The following RIPOR2 variants were observed in gnomAD, a reference collection of about 807,000 sequenced individuals.
RIPOR2 encodes the protein rho family-interacting cell polarization regulator 2.
In RIPOR2, 39 loss-of-function variants were observed where a neutral mutation model predicts 114.5. The observed-to-expected ratio is 0.34, with a 90% CI of 0.26 to 0.44. The LOEUF (loss-of-function observed/expected upper bound fraction) is 0.44. RIPOR2 is among the 20% of genes least tolerant of loss of function. The probability of loss-of-function intolerance (pLI) is 1.00; values close to 1 mark genes in which losing one functional copy is unlikely to be tolerated. For missense variants in RIPOR2, 1,007 were observed against 1,255.1 expected, an observed-to-expected ratio of 0.80 and a Z score of 2.99; for synonymous variants, 445 against 484.4, an observed-to-expected ratio of 0.92 and a Z score of 1.07.
intron 15 of RIPOR2, among the ~76,000 whole-genome samples, chr6:24,834,576 G>A (rs932048036): frequency 6.6e-6 from 1 of 151,912 alleles, no homozygotes; most frequent in Non-Finnish European, 1.5e-5. Context: ...ATTCAGCATG[G>A]TAGTACAGGT....
At chr6:24,937,848 C>G (rs980249974), upstream of RIPOR2, among the ~76,000 whole-genome samples, 1 of 152,140 alleles carries the variant, frequency 6.6e-6, no homozygotes, top group Non-Finnish European at 1.5e-5. Flanking sequence ...GTCTGGACAA[C>G]TTATGGGAGT....
At chr6:24,825,737 A>G (rs1262632736) in intron 18 of RIPOR2, among the ~76,000 whole-genome samples, 1 of 152,052 alleles carries the variant, frequency 6.6e-6, no homozygotes, top group Admixed American at 6.6e-5. Flanking sequence ...AGAAAATACA[A>G]TTAGACATTT....
chr6:24,908,853 G>C (rs576105731), intron 1 of RIPOR2, among the ~76,000 whole-genome samples: 3 of 152,174 alleles, frequency 2.0e-5, no homozygotes, highest in Admixed American at 2.0e-4. Context: ...TTCTGGAATT[G>C]TGTTTGTGTA....
intron 1 of RIPOR2, among the ~76,000 whole-genome samples, chr6:24,998,597 C>A (rs555760061): frequency 6.6e-6 from 1 of 152,164 alleles, no homozygotes; most frequent in Non-Finnish European, 1.5e-5. Flanking sequence ...CTCTCCATTG[C>A]CCCTATACAA....
chr6:25,024,680 G>A (rs1243207181), intron 1 of RIPOR2, among the ~76,000 whole-genome samples: 1 of 152,166 alleles, frequency 6.6e-6, no homozygotes, highest in African/African-American at 2.4e-5. Flanking sequence ...CCCTCAAAGA[G>A]GAAGGAAAGC....
At chr6:25,010,284 G>C (rs1775723306) in intron 1 of RIPOR2, among the ~76,000 whole-genome samples, 1 of 152,020 alleles carries the variant, frequency 6.6e-6, no homozygotes, top group Non-Finnish European at 1.5e-5. Context: ...CTTCCCACCA[G>C]AGCTGGTTGT....
chr6:25,017,200 T>C (rs927361250), intron 1 of RIPOR2, among the ~76,000 whole-genome samples: 23 of 152,124 alleles, frequency 1.5e-4, no homozygotes, highest in African/African-American at 5.3e-4. Flanking sequence ...ATTAGCCAGG[T>C]AATCCCCGTT....
At chr6:24,939,273 C>T (rs1771987705), upstream of RIPOR2, among the ~76,000 whole-genome samples, 1 of 152,096 alleles carries the variant, frequency 6.6e-6, no homozygotes, top group South Asian at 2.1e-4. Flanking sequence ...GAATGCTGAG[C>T]TTATATAAAA....
chr6:24,825,121 C>A (rs535078409), intron 19 of RIPOR2, 105 bp downstream of exon 19: 2 of 834,720 alleles, frequency 2.4e-6, no homozygotes, highest in Non-Finnish European at 1.8e-6. Context: ...ATTATTAATA[C>A]GCAGAAAAAT....
intron 8 of RIPOR2, 97 bp from the exon 9 acceptor site, chr6:24,852,715 A>C: frequency 1.1e-6 from 1 of 914,688 alleles, no homozygotes; most frequent in Non-Finnish European, 1.6e-6. Context: ...GAAGTGTCAG[A>C]ACTTTGTGCA....
In RIPOR2 at chr6:24,849,955, CAG is replaced by C; in HGVS notation, c.886-7_886-6del. 2.5e-6 allele frequency: 4 copies of C among 1,612,674 alleles called. No homozygotes were observed. Among genetic ancestry groups the C allele is most frequent in the Non-Finnish European group, 3.4e-6 (4 of 1,179,080 alleles). ...TAGCCCTTTGAGCTCCGTGACCTAGCAGAGAGAGTGGGAGAGAATAGGCCTTA... is the reference window on the plus strand; with the variant it reads ...TAGCCCTTTGAGCTCCGTGACCTAGCAGAGAGTGGGAGAGAATAGGCCTTA... On this transcript the variant is annotated splice_region_variant and splice_polypyrimidine_tract_variant and intron_variant, in intron 10 of 21. Transcript: ENST00000643898.
chr6:24,907,966 C>G (rs1769159736), intron 1 of RIPOR2, among the ~76,000 whole-genome samples: 2 of 151,814 alleles, frequency 1.3e-5, no homozygotes, highest in Non-Finnish European at 2.9e-5. Flanking sequence ...TGTACCTCCT[C>G]TCCCCACCCC....
At chr6:24,882,914 C>T (rs1766486838) in intron 1 of RIPOR2, among the ~76,000 whole-genome samples, 1 of 152,088 alleles carries the variant, frequency 6.6e-6, no homozygotes, top group South Asian at 2.1e-4. Flanking sequence ...TTACATGTGC[C>T]TTTTATTTCT....
intron 1 of RIPOR2, among the ~76,000 whole-genome samples, chr6:24,949,879 T>G (rs1181409797): frequency 2.0e-5 from 3 of 152,244 alleles, no homozygotes; most frequent in Non-Finnish European, 4.4e-5. Context: ...GTGAATTATT[T>G]TCTTATGAAA....
chr6:24,869,339 T>G (rs1325904956), intron 5 of RIPOR2, among the ~76,000 whole-genome samples, 192 bp from the exon 6 acceptor site: 1 of 146,488 alleles, frequency 6.8e-6, no homozygotes, highest in Admixed American at 6.9e-5. Context: ...TTTTTTGAGA[T>G]GAAGTTTCGC....
At chr6:24,941,841 C>T (rs1422413921) in intron 1 of RIPOR2, among the ~76,000 whole-genome samples, 2 of 152,002 alleles carry the variant, frequency 1.3e-5, no homozygotes, top group African/African-American at 2.4e-5. Context: ...CTTTTTTTAA[C>T]CTCAAGACAA....
intron 1 of RIPOR2, chr6:24,977,044 T>A: frequency 7.1e-7 from 1 of 1,400,680 alleles, no homozygotes; most frequent in Non-Finnish European, 9.9e-7. Context: ...AGAGCACCCC[T>A]CCACCCCATT....
chr6:24,806,288 C>T lies in RIPOR2; in HGVS notation c.*85G>A, dbSNP rs1160943713. On this transcript the variant is annotated 3_prime_UTR_variant, in exon 22 of 22. Coordinates refer to ENST00000643898, the MANE Select transcript of RIPOR2 (RefSeq NM_001286445.3). ...TTTCAGTTGTCGTGTCTCTCAGGCT[C>T]TAAACAATTTCCAGCCCAAACCACA... 1 of 959,424 alleles carries T rather than the reference C, an allele frequency of 1.0e-6. No homozygotes were observed. Among genetic ancestry groups the T allele is most frequent in the African/African-American group, 1.6e-5 (1 of 60,846 alleles). 59.4% of individuals were successfully genotyped at this position (959,424 alleles called of 1,614,324 possible). A position where few individuals can be genotyped will look rare whatever the true frequency, so the allele number is the denominator to read the frequency against.
At chr6:24,968,896 G>A (rs975098368) in intron 1 of RIPOR2, among the ~76,000 whole-genome samples, 16 of 152,190 alleles carry the variant, frequency 1.1e-4, no homozygotes, top group African/African-American at 3.9e-4. Flanking sequence ...GTTGCTGGTT[G>A]CCTGACCTAT....
Sources: allele counts gnomAD v4.1 joint callset (sites outside exome capture counted in the v4.1 genomes callset), GRCh38; gene constraint gnomAD v4.1.1; transcripts MANE v1.5; gene names NCBI Gene and HGNC (gene_info 2026-07-23, HGNC 2026-07-21).